Variants in YBX3 observed in about 807,000 individuals in gnomAD.
YBX3 encodes the protein Y-box-binding protein 3.
In YBX3, 29 loss-of-function variants were observed where a neutral mutation model predicts 42.4. That is an observed-to-expected ratio of 0.68 (90% CI 0.51 to 0.93). The LOEUF (loss-of-function observed/expected upper bound fraction) is 0.93. Among genes scored for constraint, YBX3 ranks in the 40% least tolerant of loss-of-function variants. The pLI, the probability that YBX3 is intolerant of heterozygous loss-of-function variation, is 0.00. For synonymous variants in YBX3, 195 were observed against 189.8 expected, an observed-to-expected ratio of 1.03 and a Z score of -0.22; for missense variants, 517 against 527.5, an observed-to-expected ratio of 0.98 and a Z score of 0.19.
intron 6 of YBX3, among the ~76,000 whole-genome samples, chr12:10,708,319 T>G (rs1290814588): frequency 1.7e-5 from 1 of 58,410 alleles, no homozygotes; most frequent in African/African-American, 3.7e-5. Context: ...TATATTCCTA[T>G]TTTTTTTTTC....
Position 10,708,132 on chromosome 12 carries a change from T to C in YBX3, c.780+1776A>G, listed in dbSNP as rs534435092. Among the ~76,000 whole-genome samples, 10 of 152,322 alleles carry C rather than the reference T, an allele frequency of 6.6e-5. No individual in the cohort carries two copies. The East Asian group carries it at 1.9e-3, about 29-fold the overall frequency. On this transcript the variant is annotated intron_variant, in intron 6 of 9. Transcript: ENST00000228251. The stretch of plus-strand genomic sequence containing the variant: ...TGGTAGATGCCACAATGTTGCTCCC[T>C]TCCCTCCATCATATAATTATTTTCT...
At chr12:10,703,117 T>A (rs957966654) in intron 7 of YBX3, 2 of 152,224 alleles carry the variant, frequency 1.3e-5, no homozygotes, top group Non-Finnish European at 2.9e-5. Context: ...ACTTAATCAT[T>A]AGTGATTATG....
At chr12:10,710,658 C>G in intron 5 of YBX3, 1 of 1,043,660 alleles carries the variant, frequency 9.6e-7, no homozygotes, top group Non-Finnish European at 1.3e-6. Context: ...ATTTGCCTTT[C>G]CCAGGCATTC....
At chr12:10,716,951 A>T (rs955005067) in intron 3 of YBX3, among the ~76,000 whole-genome samples, 7 of 152,196 alleles carry the variant, frequency 4.6e-5, no homozygotes, top group African/African-American at 1.7e-4. Context: ...TAATAAAGCC[A>T]GCCACCAATA....
At chr12:10,701,484 G>T in intron 8 of YBX3, 131 bp from the exon 9 acceptor site, 1 of 651,336 alleles carries the variant, frequency 1.5e-6, no homozygotes. Context: ...CTACTCTTAA[G>T]TATGAGTCAC....
chr12:10,701,463 CAAAA>C, intron 8 of YBX3, 110 bp from the exon 9 acceptor site: 1 of 660,624 alleles, frequency 1.5e-6, no homozygotes, highest in South Asian at 1.6e-5. Flanking sequence ...AATTAGCATG[CAAAA>C]ATTTAACTAC....
intron 3 of YBX3, 55 bp from the exon 4 acceptor site, chr12:10,715,838 T>C: frequency 1.4e-6 from 2 of 1,418,166 alleles, no homozygotes; most frequent in Admixed American, 1.7e-5. Context: ...TGGCCACAGA[T>C]TTCACTGCTT....
chr12:10,713,390 A>T, intron 4 of YBX3, 57 bp from the exon 5 acceptor site: 1 of 1,585,902 alleles, frequency 6.3e-7, no homozygotes, highest in South Asian at 1.1e-5. Context: ...ACTAACTCAA[A>T]AAACAGCCTT....
chr12:10,709,574 A>G (rs2120933751), intron 6 of YBX3, among the ~76,000 whole-genome samples: 1 of 152,364 alleles, frequency 6.6e-6, no homozygotes, highest in South Asian at 2.1e-4. Flanking sequence ...TAAGTAGCAG[A>G]AACAGGATTC....
chr12:10,705,267 G>A (rs569381507), intron 6 of YBX3, among the ~76,000 whole-genome samples: 2 of 152,202 alleles, frequency 1.3e-5, no homozygotes, highest in African/African-American at 4.8e-5. Context: ...CTAATGTTTT[G>A]TATTTTTAGT....
intron 6 of YBX3, among the ~76,000 whole-genome samples, chr12:10,705,500 C>T (rs1948127480): frequency 6.6e-6 from 1 of 152,126 alleles, no homozygotes; most frequent in Non-Finnish European, 1.5e-5. Context: ...TTTTGCATCC[C>T]CAGGGGGATG....
At chr12:10,708,860 C>T (rs1309876197) in intron 6 of YBX3, among the ~76,000 whole-genome samples, 3 of 152,150 alleles carry the variant, frequency 2.0e-5, no homozygotes, top group South Asian at 2.1e-4. Context: ...AAGCCAAACA[C>T]TAAGGAGGAG....
chr12:10,720,526 AAG>A (rs1948313089), intron 1 of YBX3, among the ~76,000 whole-genome samples: 1 of 152,206 alleles, frequency 6.6e-6, no homozygotes, highest in South Asian at 2.1e-4. Context: ...CAGCAAGGCA[AAG>A]GAGAAAAAAA....
intron 1 of YBX3, among the ~76,000 whole-genome samples, chr12:10,721,516 A>G (rs1387829493): frequency 1.3e-5 from 2 of 152,178 alleles, no homozygotes; most frequent in African/African-American, 4.8e-5. Context: ...CAACATCACA[A>G]TGTACTACTG....
At chr12:10,720,428 C>A (rs1165895846) in intron 1 of YBX3, among the ~76,000 whole-genome samples, 1 of 152,114 alleles carries the variant, frequency 6.6e-6, no homozygotes, top group African/African-American at 2.4e-5. Context: ...ATGAGGCATT[C>A]TCCAGCTTTA....
chr12:10,705,602 A>G (rs1226239019), intron 6 of YBX3, among the ~76,000 whole-genome samples: 1 of 152,224 alleles, frequency 6.6e-6, no homozygotes, highest in Non-Finnish European at 1.5e-5. Context: ...TCACTTTGAT[A>G]AGTGGTTAAG....
chr12:10,722,652 C>CA (rs944086392), intron 1 of YBX3, among the ~76,000 whole-genome samples, 198 bp downstream of exon 1: 1 of 152,234 alleles, frequency 6.6e-6, no homozygotes, highest in Admixed American at 6.5e-5. Context: ...GCAGCGCGCT[C>CA]ACCTGGGAGC....
At chr12:10,710,224 A>G in intron 5 of YBX3, 110 bp from the exon 6 acceptor site, 1 of 1,533,744 alleles carries the variant, frequency 6.5e-7, no homozygotes, top group Non-Finnish European at 8.7e-7. Flanking sequence ...AAGCAATATA[A>G]TCCTTTCCAT....
At chr12:10,710,719 TC>T (rs781167545) in intron 5 of YBX3, 28 of 525,338 alleles carry the variant, frequency 5.3e-5, no homozygotes, top group South Asian at 4.3e-4. Flanking sequence ...ACATGTGGTC[TC>T]TCAGCAGACT....
Sources: gnomAD v4.1 joint callset for allele counts (sites outside exome capture counted in the v4.1 genomes callset) on GRCh38, gnomAD v4.1.1 for gene constraint, MANE v1.5 for transcripts, NCBI Gene and HGNC (gene_info 2026-07-23, HGNC 2026-07-21) for gene names.